Variants in TMEM255B observed in about 807,000 individuals in gnomAD.
TMEM255B encodes the protein transmembrane protein 255B, also known as family with sequence similarity 70, member B.
TMEM255B carries 35 observed loss-of-function variants against 34.5 expected under a neutral mutation model. The observed-to-expected ratio is 1.01, with a 90% CI of 0.77 to 1.34. TMEM255B has a LOEUF of 1.34. TMEM255B is among the 40% of genes most tolerant of loss of function. The pLI is 0.00. For missense variants in TMEM255B, 432 were observed against 433.2 expected (o/e 1.00, Z 0.02); for synonymous variants, 206 against 201.2 (o/e 1.02, Z -0.20).
intron 1 of TMEM255B, among the ~76,000 whole-genome samples, chr13:113,764,616 C>T (rs571433165): frequency 5.9e-5 from 9 of 152,338 alleles, no homozygotes; most frequent in African/African-American, 2.2e-4. Context: ...CTTAAGTTTT[C>T]TCCACTGAAC....
chr13:113,809,526 A>G (rs1205006093), intron 8 of TMEM255B, among the ~76,000 whole-genome samples: 2 of 67,878 alleles, frequency 2.9e-5, no homozygotes, highest in African/African-American at 6.8e-5. Context: ...GGTTTACTCC[A>G]TGGTTCCCGG....
Position 113,766,135 on chromosome 13 carries a change from A to T in TMEM255B, c.67A>T (p.Lys23Ter), listed in dbSNP as rs1228023571. ...DPAEGLSRRK[K>*]TSLWFVGSLL... The stretch of plus-strand genomic sequence containing the variant: ...CACAGAAGGGCTTTCGAGGAGGAAG[A>T]AGACGTCGCTCTGGTTTGTGGGGTC... Residue 23 changes from lysine (K) to a stop codon, truncating the protein, a stop_gained, in exon 2 of 9, where the codon AAG (lysine) becomes TAG (stop). Coordinates refer to ENST00000375353, the MANE Select transcript of TMEM255B (RefSeq NM_182614.4). LOFTEE classifies it high-confidence loss of function. 1 of 1,614,090 alleles carries T rather than the reference A, an allele frequency of 6.2e-7. No individual in the cohort carries two copies. The highest frequency in any genetic ancestry group is 1.3e-5 in the African/African-American group (1 of 74,936).
intron 3 of TMEM255B, among the ~76,000 whole-genome samples, chr13:113,792,333 C>T (rs900739683): frequency 2.0e-5 from 3 of 152,262 alleles, no homozygotes; most frequent in East Asian, 1.9e-4. Context: ...CCTTCGGCCA[C>T]ACAACCTTGG....
At chr13:113,764,541 G>A (rs1246322926) in intron 1 of TMEM255B, among the ~76,000 whole-genome samples, 1 of 152,218 alleles carries the variant, frequency 6.6e-6, no homozygotes, top group East Asian at 1.9e-4. Flanking sequence ...GCCCCTCAGG[G>A]AAGGCTCTGC....
chr13:113,766,118 G>A lies in TMEM255B; in HGVS notation c.50G>A (p.Gly17Glu), dbSNP rs2050383782. Residue 17 changes from glycine (G) to glutamate (E), a missense_variant, in exon 2 of 9, where the codon GGG becomes GAG. By Grantham distance (98) the Gly-to-Glu change is moderately conservative. Transcript: ENST00000375353. The stretch of plus-strand genomic sequence containing the variant: ...GTCCTCGCCTTCCTCCCCACAGAAG[G>A]GCTTTCGAGGAGGAAGAAGACGTCG... ...GPLGLLDPAEGLSRRKKTSLW... is the reference protein window; with the variant it reads ...GPLGLLDPAEELSRRKKTSLW... 1.2e-6 allele frequency: 2 copies of A among 1,614,028 alleles called. No homozygotes were observed. Among genetic ancestry groups the A allele is most frequent in the Admixed American group, 3.3e-5 (2 of 60,012 alleles).
intron 6 of TMEM255B, among the ~76,000 whole-genome samples, chr13:113,801,203 G>A (rs1430040625): frequency 6.6e-6 from 1 of 152,198 alleles, no homozygotes; most frequent in African/African-American, 2.4e-5. Flanking sequence ...AAAAGACAGA[G>A]GCTCTGAAAT....
intron 1 of TMEM255B, among the ~76,000 whole-genome samples, chr13:113,764,126 G>A (rs557306245): frequency 5.9e-5 from 9 of 152,160 alleles, no homozygotes; most frequent in Non-Finnish European, 1.2e-4. Context: ...GGGTGGGATG[G>A]GCCGGGGCGT....
chr13:113,799,877 G>T, intron 5 of TMEM255B: 3 of 1,043,372 alleles, frequency 2.9e-6, no homozygotes, highest in Non-Finnish European at 4.0e-6. Context: ...CAGGACCGTC[G>T]GAGGGCACAG....
At position 113,812,961 on chromosome 13, in the gene TMEM255B, G is replaced by GGCCCCGGGTGGGTCACA. The variant is rs1566342155; in HGVS notation, c.*1059_*1060insCCCCGGGTGGGTCACAG. 9.8e-6 allele frequency: 1 copy of GGCCCCGGGTGGGTCACA among 102,492 alleles called. No individual in the cohort carries two copies. Among genetic ancestry groups the GGCCCCGGGTGGGTCACA allele is most frequent in the Non-Finnish European group, 2.0e-5 (1 of 50,188 alleles). The allele number at this position is 102,492 out of a possible 1,614,324, so 6.3% of individuals were successfully genotyped here. On this transcript the variant is annotated 3_prime_UTR_variant, in exon 9 of 9. Transcript: ENST00000375353. ...GGGTCACGGGTCCCGGGTGGGTCACGGGCCCCGGGTGGGTCACGGGTCCCG... is the reference window on the plus strand; with the variant it reads ...GGGTCACGGGTCCCGGGTGGGTCACGGCCCCGGGTGGGTCACAGGCCCCGGGTGGGTCACGGGTCCCG...
In TMEM255B at chr13:113,813,260, C is replaced by G. The variant is rs2051363047; in HGVS notation, c.*1357C>G. 1 of 152,224 alleles carries G rather than the reference C, an allele frequency of 6.6e-6. No individual in the cohort carries two copies. 9.4% of individuals were successfully genotyped at this position (152,224 alleles called of 1,614,324 possible). A position where few individuals can be genotyped will look rare whatever the true frequency, so the allele number is the denominator to read the frequency against. On this transcript the variant is annotated 3_prime_UTR_variant, in exon 9 of 9. Coordinates refer to ENST00000375353, the MANE Select transcript of TMEM255B (RefSeq NM_182614.4). ...TGCTCTGTGGGCCGCTCACGGTTCC[C>G]CAGTCACTCCCTCTCCCCTCGGAAG... is the stretch of plus-strand genomic sequence containing the variant.
Position 113,806,130 on chromosome 13 carries a change from G to A in TMEM255B, c.813+1102G>A, listed in dbSNP as rs1314257623. On this transcript the variant is annotated intron_variant, in intron 8 of 8. Transcript: ENST00000375353. The surrounding 1 kb of genome is among the most constrained non-coding windows in gnomAD (Gnocchi z 4.2). ...ATCTTCCTTAGAGGGACATCCGGGG[G>A]AGGCCTGTGCACACTCTGCCCTCAC... Among the ~76,000 whole-genome samples the A allele has an allele frequency of 2.0e-5, 3 of 152,208 alleles. No homozygotes were observed. Among genetic ancestry groups the A allele is most frequent in the African/African-American group, 7.2e-5 (3 of 41,456 alleles).
At chr13:113,780,482 A>T (rs1255284240) in intron 3 of TMEM255B, among the ~76,000 whole-genome samples, 1 of 152,224 alleles carries the variant, frequency 6.6e-6, no homozygotes, top group Non-Finnish European at 1.5e-5. Context: ...AAATTGTTAA[A>T]AGCTGTCAAT....
rs980543203 is a variant in TMEM255B, at chr13:113,793,366, C to T, written c.253-1782C>T. On this transcript the variant is annotated intron_variant, in intron 3 of 8. Transcript: ENST00000375353. The stretch of plus-strand genomic sequence containing the variant: ...TGATGTCTGAGCTCTCAGAATGTCT[C>T]GTCTGATCTGCTGTGGAGGAAAGTT... 3.3e-5 allele frequency among the ~76,000 whole-genome samples: 5 copies of T among 152,212 alleles called. No individual in the cohort carries two copies. The South Asian group carries it at 8.3e-4, about 25-fold the overall frequency.
rs116836963 is a variant in TMEM255B, at chr13:113,787,114, T to A, written c.253-8034T>A. Among the ~76,000 whole-genome samples the A allele has an allele frequency of 5.2e-3, 793 of 152,344 alleles. 7 individuals carry two copies. Among genetic ancestry groups the A allele is most frequent in the African/African-American group, 0.019 (772 of 41,584 alleles). ...AAAATATGTCATAATTAAATAATTT[T>A]AAAATTTTGTCTCTAATAGAGAAAA... On this transcript the variant is annotated intron_variant, in intron 3 of 8. Transcript: ENST00000375353.
chr13:113,774,353 C>T (rs1384391608), intron 3 of TMEM255B, among the ~76,000 whole-genome samples: 3 of 152,208 alleles, frequency 2.0e-5, no homozygotes, highest in Non-Finnish European at 4.4e-5. Flanking sequence ...CTGTTTCCTC[C>T]TCACCCAAAC....
chr13:113,788,937 C>T (rs994200263), intron 3 of TMEM255B, among the ~76,000 whole-genome samples: 17 of 152,188 alleles, frequency 1.1e-4, no homozygotes, highest in Admixed American at 3.9e-4. Flanking sequence ...GGCCACCGAC[C>T]GACTGCCCTG....
chr13:113,801,889 G>A (rs1184850687), intron 7 of TMEM255B, 77 bp downstream of exon 7: 7 of 1,446,938 alleles, frequency 4.8e-6, no homozygotes, highest in South Asian at 4.2e-5. Context: ...GTGGGCTGGG[G>A]GGCCTCCAGC....
chr13:113,762,829 C>T (rs529451810), intron 1 of TMEM255B, among the ~76,000 whole-genome samples: 3 of 152,270 alleles, frequency 2.0e-5, no homozygotes, highest in East Asian at 1.9e-4. Context: ...TCGAAGCAGA[C>T]GCTGAGTCAT....
intron 3 of TMEM255B, among the ~76,000 whole-genome samples, chr13:113,790,146 G>A (rs796473303): frequency 0.32 from 33,541 of 104,892 alleles, 7,774 homozygotes; most frequent in East Asian, 0.65. Context: ...GACTGACCGG[G>A]CACATGGACA....
Sources: gnomAD v4.1 joint callset for allele counts (sites outside exome capture counted in the v4.1 genomes callset) on GRCh38, gnomAD v4.1.1 for gene constraint, Gnocchi (gnomAD v3.1) non-coding constraint, MANE v1.5 for transcripts, NCBI Gene and HGNC (gene_info 2026-07-23, HGNC 2026-07-21) for gene names.